RTTN: variants seen among roughly 807,000 people sequenced by gnomAD.
RTTN encodes the protein rotatin.
In RTTN, 182 loss-of-function variants were observed where a neutral mutation model predicts 269.2. That is an observed-to-expected ratio of 0.68 (90% CI 0.60 to 0.76). The LOEUF (loss-of-function observed/expected upper bound fraction) is 0.76. RTTN is among the 30% of genes least tolerant of loss of function. The pLI, the probability that RTTN is intolerant of heterozygous loss-of-function variation, is 0.00. For missense variants in RTTN, 2,545 were observed against 2,608.6 expected (o/e 0.98, Z 0.53); for synonymous variants, 1,006 against 963.5 (o/e 1.04, Z -0.82).
chr18:70,117,071 ACACATGGAAAAAAATTT>A (rs2059620107), intron 26 of RTTN, among the ~76,000 whole-genome samples: 1 of 152,116 alleles, frequency 6.6e-6, no homozygotes, highest in Non-Finnish European at 1.5e-5. Context: ...TCTTGATAAA[ACACATGGAAAAAAATTT>A]CACAAGAGAA....
At chr18:70,170,812 G>T (rs990477156) in intron 11 of RTTN, among the ~76,000 whole-genome samples, 44 of 152,286 alleles carry the variant, frequency 2.9e-4, no homozygotes, top group African/African-American at 1.1e-3. Flanking sequence ...AGAATGGTGG[G>T]CTTAACTCAG....
chr18:70,190,453 C>T (rs1233917049), intron 9 of RTTN, 85 bp downstream of exon 9: 23 of 971,874 alleles, frequency 2.4e-5, no homozygotes, highest in African/African-American at 3.3e-5. Flanking sequence ...AAGGCCCTAA[C>T]ATAGAAGAGA....
intron 36 of RTTN, 82 bp downstream of exon 36, chr18:70,059,768 G>A (rs2057922928): frequency 1.0e-6 from 1 of 962,434 alleles, no homozygotes; most frequent in African/African-American, 1.6e-5. Context: ...CAGGTCACAA[G>A]AAATCTTGTA....
chr18:70,064,881 A>G (rs1200877534), intron 35 of RTTN, among the ~76,000 whole-genome samples: 1 of 152,250 alleles, frequency 6.6e-6, no homozygotes, highest in East Asian at 1.9e-4. Flanking sequence ...GTAAGGCAAC[A>G]TGCTTTTAGA....
At chr18:70,032,390 T>G (rs775522507) in intron 40 of RTTN, among the ~76,000 whole-genome samples, 19 of 152,172 alleles carry the variant, frequency 1.2e-4, no homozygotes, top group Admixed American at 4.6e-4. Context: ...ACCAGCATTC[T>G]TCCCCCACTG....
intron 14 of RTTN, among the ~76,000 whole-genome samples, chr18:70,154,271 G>C (rs575112216): frequency 6.6e-6 from 1 of 151,036 alleles, no homozygotes; most frequent in African/African-American, 2.4e-5. Flanking sequence ...TAATTTTTTA[G>C]AACTCCTCTA....
chr18:70,196,934 C>G (rs1298784364), intron 6 of RTTN, among the ~76,000 whole-genome samples: 1 of 152,170 alleles, frequency 6.6e-6, no homozygotes, highest in Non-Finnish European at 1.5e-5. Context: ...AGAAATTATT[C>G]CCCACTCAGG....
chr18:70,046,096 T>C (rs1436686361), intron 40 of RTTN, among the ~76,000 whole-genome samples: 1 of 152,152 alleles, frequency 6.6e-6, no homozygotes, highest in African/African-American at 2.4e-5. Context: ...AACTGATTCA[T>C]TACCCTACAT....
rs1555767362 is a variant in RTTN at position 70,164,302 on chromosome 18, C to CCCTTGACCT, written c.1929+1759_1929+1760insAGGTCAAGG. Among the ~76,000 whole-genome samples, 760 of 149,684 alleles carry CCCTTGACCT rather than the reference C, an allele frequency of 5.1e-3. 6 individuals carry two copies. Among genetic ancestry groups the CCCTTGACCT allele is most frequent in the African/African-American group, 0.017 (713 of 40,918 alleles). ...ATCACAGCTCTCTGTACCTTGACCT[C>CCCTTGACCT]CCAGTCTCAAGCAATCCTCCTGCCT... is the stretch of plus-strand genomic sequence containing the variant. On this transcript the variant is annotated intron_variant, in intron 14 of 48. Transcript: ENST00000640769.
At chr18:70,139,572 A>G in intron 21 of RTTN, 27 bp downstream of exon 21, 1 of 1,336,200 alleles carries the variant, frequency 7.5e-7, no homozygotes, top group South Asian at 1.2e-5. Flanking sequence ...GAACAATCTA[A>G]TTATTAGCAG....
intron 46 of RTTN, chr18:70,006,721 T>C (rs1599069975): frequency 2.4e-6 from 1 of 410,624 alleles, no homozygotes; most frequent in East Asian, 4.0e-5. Flanking sequence ...CTTCATTTTT[T>C]GGCCAGAATT....
At chr18:70,126,623 T>G (rs1241360809) in intron 25 of RTTN, among the ~76,000 whole-genome samples, 1 of 152,142 alleles carries the variant, frequency 6.6e-6, no homozygotes, top group East Asian at 1.9e-4. Flanking sequence ...TAGAAAGTGA[T>G]GTTTGCATAT....
intron 17 of RTTN, among the ~76,000 whole-genome samples, chr18:70,148,347 A>G (rs376371895): frequency 9.9e-5 from 15 of 152,214 alleles, no homozygotes; most frequent in African/African-American, 3.4e-4. Flanking sequence ...GAAGAAAAAC[A>G]GTATCATTCT....
intron 46 of RTTN, 100 bp from the exon 47 acceptor site, chr18:70,006,584 G>C: frequency 1.2e-6 from 1 of 868,982 alleles, no homozygotes; most frequent in Non-Finnish European, 1.9e-6. Flanking sequence ...CCATTAGAAT[G>C]CATACATAAA....
intron 14 of RTTN, among the ~76,000 whole-genome samples, chr18:70,163,012 T>C (rs985510416): frequency 3.9e-5 from 5 of 126,590 alleles, no homozygotes; most frequent in Non-Finnish European, 8.1e-5. Flanking sequence ...ACTTGATAAA[T>C]TTAAAAAAAA....
chr18:70,109,078 G>T (rs1271221068), intron 28 of RTTN, among the ~76,000 whole-genome samples: 2 of 152,060 alleles, frequency 1.3e-5, no homozygotes, highest in Non-Finnish European at 2.9e-5. Flanking sequence ...TGCACAAACT[G>T]GAAGAAAAAG....
intron 3 of RTTN, among the ~76,000 whole-genome samples, chr18:70,202,221 T>C (rs1408497753): frequency 6.6e-6 from 1 of 152,218 alleles, no homozygotes; most frequent in Non-Finnish European, 1.5e-5. Flanking sequence ...CAAACACAGT[T>C]ATTTGTTAGA....
intron 2 of RTTN, 94 bp downstream of exon 2, chr18:70,205,034 C>A (rs1041932160): frequency 1.6e-6 from 2 of 1,286,240 alleles, no homozygotes; most frequent in Non-Finnish European, 2.2e-6. Flanking sequence ...AAACTTTTAA[C>A]CCCAATTATT....
chr18:70,075,567 G>A (rs773319762), intron 32 of RTTN, 26 bp from the exon 33 acceptor site: 5 of 1,492,096 alleles, frequency 3.4e-6, no homozygotes, highest in East Asian at 5.0e-5. Flanking sequence ...GAAAGAAGGA[G>A]GAGACACTGA....
Sources: gnomAD v4.1 joint callset for allele counts (sites outside exome capture counted in the v4.1 genomes callset) on GRCh38, gnomAD v4.1.1 for gene constraint, MANE v1.5 for transcripts, NCBI Gene and HGNC (gene_info 2026-07-23, HGNC 2026-07-21) for gene names.